TIMM44: variants seen among roughly 807,000 people sequenced by gnomAD.
TIMM44 encodes translocase of inner mitochondrial membrane 44.
In TIMM44, 37 loss-of-function variants were observed where a neutral mutation model predicts 63.8. The ratio of observed to expected loss-of-function variants is 0.58; its 90% confidence interval spans 0.45 to 0.76. TIMM44 has a LOEUF of 0.76. TIMM44 is among the 30% of genes least tolerant of loss of function. The pLI is 0.00. For synonymous variants in TIMM44, 239 were observed against 245.1 expected, an observed-to-expected ratio of 0.98 and a Z score of 0.23; for missense variants, 573 against 603.8, an observed-to-expected ratio of 0.95 and a Z score of 0.54.
Position 7,943,593 on chromosome 19 carries a change from G to C in TIMM44, c.45+14C>G. 1 of 1,562,788 alleles carries C rather than the reference G, an allele frequency of 6.4e-7. No homozygotes were observed. Among genetic ancestry groups the C allele is most frequent in the East Asian group, 2.4e-5 (1 of 41,978 alleles). ...CCCCTAAGCTCGCCCTGCCAGCGCC[G>C]CACCGCCGCTCACCCGTGGACAGCG... On this transcript the variant is annotated intron_variant, in intron 1 of 12. Transcript: ENST00000270538. This position sits in a 1 kb window ranked among gnomAD's most constrained non-coding sequence, Gnocchi z 4.3.
In TIMM44 at chr19:7,927,783, G is replaced by C; in HGVS notation, c.1129-16C>G. On this transcript the variant is annotated splice_polypyrimidine_tract_variant and intron_variant, in intron 11 of 12. Coordinates refer to ENST00000270538, the MANE Select transcript of TIMM44 (RefSeq NM_006351.4). ...CCATGGCCAGCTGCAGAGGGGCCGAGAGGGGGGATGTGCCTCAGAGGACAG... is the reference window on the plus strand; with the variant it reads ...CCATGGCCAGCTGCAGAGGGGCCGACAGGGGGGATGTGCCTCAGAGGACAG... 1 of 1,606,746 alleles carries C rather than the reference G, an allele frequency of 6.2e-7. No individual in the cohort carries two copies. The highest frequency in any genetic ancestry group is 8.5e-7 in the Non-Finnish European group (1 of 1,178,610).
intron 10 of TIMM44, 91 bp downstream of exon 10, chr19:7,931,047 G>T: frequency 8.1e-7 from 1 of 1,234,878 alleles, no homozygotes; most frequent in Non-Finnish European, 1.2e-6. Flanking sequence ...CCTGTTGGGA[G>T]CTACCCCAAC....
At position 7,934,443 on chromosome 19, in the gene TIMM44, C is replaced by CAGAGCCATGAGCACACCGGCACCCCG; in HGVS notation, c.394-206_394-205insCGGGGTGCCGGTGTGCTCATGGCTCT. Among the ~76,000 whole-genome samples the CAGAGCCATGAGCACACCGGCACCCCG allele has an allele frequency of 6.6e-6, 1 of 150,666 alleles. No homozygotes were observed. Among genetic ancestry groups the CAGAGCCATGAGCACACCGGCACCCCG allele is most frequent in the African/African-American group, 2.4e-5 (1 of 40,916 alleles). ...AGAGCCACGAGCACACCGCCACCCCCAGAGCCACGAGCACACCGGCACCCC... is the reference window on the plus strand; with the variant it reads ...AGAGCCACGAGCACACCGCCACCCCCAGAGCCATGAGCACACCGGCACCCCGAGAGCCACGAGCACACCGGCACCCC... On this transcript the variant is annotated intron_variant, in intron 4 of 12. Coordinates refer to ENST00000270538, the MANE Select transcript of TIMM44 (RefSeq NM_006351.4). The surrounding 1 kb of genome is among the most constrained non-coding windows in gnomAD (Gnocchi z 5.3).
chr19:7,929,421 G>A (rs1425631247), intron 10 of TIMM44, among the ~76,000 whole-genome samples: 1 of 152,172 alleles, frequency 6.6e-6, no homozygotes, highest in Non-Finnish European at 1.5e-5. Context: ...GAGGCTCCCA[G>A]GGCCTGGGGA....
intron 3 of TIMM44, among the ~76,000 whole-genome samples, chr19:7,937,523 C>T (rs748541685): frequency 2.0e-5 from 3 of 152,212 alleles, no homozygotes; most frequent in East Asian, 3.9e-4. Context: ...CTGCACAGAA[C>T]GCTGCATGGT....
At chr19:7,931,022 G>A in intron 10 of TIMM44, 116 bp downstream of exon 10, 1 of 896,868 alleles carries the variant, frequency 1.1e-6, no homozygotes, top group Non-Finnish European at 1.8e-6. Context: ...TCCCCCACCG[G>A]GAGCCCAGGT....
At chr19:7,927,631 CT>C in intron 12 of TIMM44, 25 bp downstream of exon 12, 2 of 1,603,466 alleles carry the variant, frequency 1.2e-6, no homozygotes, top group Non-Finnish European at 1.7e-6. Flanking sequence ...TGTCATGTGC[CT>C]GCCCCATCCC....
chr19:7,930,498 G>C (rs929467254), intron 10 of TIMM44, among the ~76,000 whole-genome samples: 3 of 151,674 alleles, frequency 2.0e-5, no homozygotes, highest in Admixed American at 6.6e-5. Flanking sequence ...GTAGAGATGG[G>C]GTTTCACCAT....
At chr19:7,929,373 T>C (rs922149393) in intron 10 of TIMM44, among the ~76,000 whole-genome samples, 33 of 152,200 alleles carry the variant, frequency 2.2e-4, no homozygotes, top group African/African-American at 7.7e-4. Flanking sequence ...ATGTTTTGTT[T>C]GGATCTATGT....
intron 1 of TIMM44, 113 bp from the exon 2 acceptor site, chr19:7,941,310 T>G: frequency 1.2e-6 from 1 of 831,678 alleles, no homozygotes. Flanking sequence ...CATTTTTTTT[T>G]TTTTTTTGAG....
Position 7,934,944 on chromosome 19 carries a change from C to A in TIMM44, c.393+121G>T. The A allele has an allele frequency of 1.2e-6, 1 of 866,518 alleles. No homozygotes were observed. The allele number at this position is 866,518 out of a possible 1,614,324, so 53.7% of individuals were successfully genotyped here. A position where few individuals can be genotyped will look rare whatever the true frequency, so the allele number is the denominator to read the frequency against. On this transcript the variant is annotated intron_variant, in intron 4 of 12. Coordinates refer to ENST00000270538, the MANE Select transcript of TIMM44 (RefSeq NM_006351.4). The surrounding 1 kb of genome is among the most constrained non-coding windows in gnomAD (Gnocchi z 5.3). ...TGAAACCTTCCCGAGGGTGGCAGCA[C>A]GCCCCATGCCACCCACTGCTGCCAA...
Position 7,938,051 on chromosome 19 carries a change from C to G in TIMM44, c.288G>C (p.Val96=), listed in dbSNP as rs1221070047. ...DEARRLEESD[V]LQEARRKYKT... ...CGTATTTCCTTCTGGCCTCCTGGAG[C>G]ACGTCTGATTCTTCTAGCCTTCTGG... The change falls in exon 3 of 13, where the codon GTG becomes GTC. Residue 96 remains valine (V), a synonymous_variant. Coordinates refer to ENST00000270538, the MANE Select transcript of TIMM44 (RefSeq NM_006351.4). 1.9e-6 allele frequency: 3 copies of G among 1,613,912 alleles called. No individual in the cohort carries two copies. The highest frequency in any genetic ancestry group is 2.7e-5 in the African/African-American group (2 of 74,884).
Position 7,936,503 on chromosome 19 carries a change from C to A in TIMM44, c.313-1358G>T, listed in dbSNP as rs557202766. Among the ~76,000 whole-genome samples, 12 of 152,232 alleles carry A rather than the reference C, an allele frequency of 7.9e-5. 1 individual carries two copies. In the South Asian group the frequency reaches 2.5e-3, roughly 32 times the overall value. ...ACAAAAAAACACAAATGAAACCAAA[C>A]CAAACCAAAATGCAAGGGACCCGTG... On this transcript the variant is annotated intron_variant, in intron 3 of 12. Coordinates refer to ENST00000270538, the MANE Select transcript of TIMM44 (RefSeq NM_006351.4).
chr19:7,938,539 G>A (rs1984219381), intron 2 of TIMM44, among the ~76,000 whole-genome samples: 2 of 152,170 alleles, frequency 1.3e-5, no homozygotes, highest in Admixed American at 1.3e-4. Flanking sequence ...GGGCGCGGTG[G>A]TTCACGCCTG....
chr19:7,930,760 A>AT, intron 10 of TIMM44, among the ~76,000 whole-genome samples: 1 of 152,242 alleles, frequency 6.6e-6, no homozygotes, highest in East Asian at 1.9e-4. Flanking sequence ...TTATTTTAAG[A>AT]TTGGAGGGAA....
chr19:7,943,466 G>T lies in TIMM44; in HGVS notation c.45+141C>A. The T allele has an allele frequency of 9.6e-7, 1 of 1,043,366 alleles. No homozygotes were observed. Among genetic ancestry groups the T allele is most frequent in the Non-Finnish European group, 1.4e-6 (1 of 704,864 alleles). The allele number at this position is 1,043,366 out of a possible 1,614,324, so 64.6% of individuals were successfully genotyped here. On this transcript the variant is annotated intron_variant, in intron 1 of 12. Transcript: ENST00000270538. The surrounding 1 kb of genome is among the most constrained non-coding windows in gnomAD (Gnocchi z 4.3). The stretch of plus-strand genomic sequence containing the variant: ...CTCTGTGCCCCCTGTCCTGGCCTCT[G>T]CTACCCAAAGATCTAACCCCAAGCT...
Position 7,932,609 on chromosome 19 carries a change from T to C in TIMM44, c.987+18A>G, listed in dbSNP as rs557327307. 5.0e-6 allele frequency: 8 copies of C among 1,612,312 alleles called. No homozygotes were observed. In the South Asian group the frequency reaches 5.5e-5, roughly 11 times the overall value. On this transcript the variant is annotated intron_variant, in intron 9 of 12. Transcript: ENST00000270538. ...AGGACCTGCCGCCTGGGAGGGGTCC[T>C]GGGGGTGTGGCACCCACCTCCAGGA...
At position 7,943,582 on chromosome 19, in the gene TIMM44, C is replaced by CTT; in HGVS notation, c.45+24_45+25insAA. On this transcript the variant is annotated intron_variant, in intron 1 of 12. Transcript: ENST00000270538. This position sits in a 1 kb window ranked among gnomAD's most constrained non-coding sequence, Gnocchi z 4.3. Reference sequence around the variant, plus strand: ...GGCCCAGAAGACCCCTAAGCTCGCCCTGCCAGCGCCGCACCGCCGCTCACC... The same window carrying CTT: ...GGCCCAGAAGACCCCTAAGCTCGCCCTTTGCCAGCGCCGCACCGCCGCTCACC... 6.4e-7 allele frequency: 1 copy of CTT among 1,563,788 alleles called. No homozygotes were observed. The highest frequency in any genetic ancestry group is 1.2e-5 in the South Asian group (1 of 86,294).
At chr19:7,941,277 AG>A in intron 1 of TIMM44, 80 bp from the exon 2 acceptor site, 2 of 1,092,616 alleles carry the variant, frequency 1.8e-6, no homozygotes, top group Non-Finnish European at 2.8e-6. Flanking sequence ...ACAAAACAGC[AG>A]GGTCACCTGC....
Sources: gnomAD v4.1 joint callset for allele counts (sites outside exome capture counted in the v4.1 genomes callset) on GRCh38, gnomAD v4.1.1 for gene constraint, Gnocchi (gnomAD v3.1) non-coding constraint, MANE v1.5 for transcripts, NCBI Gene and HGNC (gene_info 2026-07-23, HGNC 2026-07-21) for gene names.